The following AKAP6 variants were observed in gnomAD, a reference collection of about 807,000 sequenced individuals.
AKAP6 encodes A-kinase anchor protein 6.
In AKAP6, 58 loss-of-function variants were observed where a neutral mutation model predicts 188.5. The ratio of observed to expected loss-of-function variants is 0.31; its 90% confidence interval spans 0.25 to 0.38. The LOEUF (loss-of-function observed/expected upper bound fraction) is 0.38, where lower values mean the gene tolerates loss of function less well. Ranked by LOEUF, AKAP6 falls within the 10% of genes least tolerant of loss-of-function variation. AKAP6 has a pLI of 1.00. For missense variants in AKAP6, 2,710 were observed against 2,740.0 expected, an observed-to-expected ratio of 0.99 and a Z score of 0.24; for synonymous variants, 989 against 998.6, an observed-to-expected ratio of 0.99 and a Z score of 0.18.
At chr14:32,826,534 G>A (rs893514962) in intron 13 of AKAP6, among the ~76,000 whole-genome samples, 1 of 152,150 alleles carries the variant, frequency 6.6e-6, no homozygotes, top group African/African-American at 2.4e-5. Context: ...ATAAAGGCTT[G>A]AAAGCAACAC....
intron 4 of AKAP6, among the ~76,000 whole-genome samples, chr14:32,571,121 C>A (rs927643147): frequency 6.6e-6 from 1 of 152,228 alleles, no homozygotes; most frequent in South Asian, 2.1e-4. Context: ...CAGGTTCTGG[C>A]ACATAGTGAG....
chr14:32,409,036 C>G (rs1014640486), intron 1 of AKAP6, among the ~76,000 whole-genome samples: 1 of 152,042 alleles, frequency 6.6e-6, no homozygotes, highest in Non-Finnish European at 1.5e-5. Context: ...CCTGTCTCTA[C>G]TAAAAATACA....
chr14:32,484,455 C>T, intron 2 of AKAP6: 1 of 174,432 alleles, frequency 5.7e-6, no homozygotes, highest in Non-Finnish European at 8.3e-6. Flanking sequence ...TCCACTATGG[C>T]AGATGCAAGC....
intron 2 of AKAP6, among the ~76,000 whole-genome samples, chr14:32,475,104 CA>C (rs746344307): frequency 2.0e-4 from 30 of 152,162 alleles, no homozygotes; most frequent in Admixed American, 1.7e-3. Context: ...AATTTACTTT[CA>C]ATGGTTTATG....
rs193187648 is a variant in AKAP6 at position 32,557,146 on chromosome 14, G to A, written c.2346+10147G>A. On this transcript the variant is annotated intron_variant, in intron 4 of 13. Coordinates refer to ENST00000280979, the MANE Select transcript of AKAP6 (RefSeq NM_004274.5). ...GTCATCCAGGCTGGAATGTGGTGGC[G>A]TGATGATAGCTCACGTCAAGTCTCC... Among the ~76,000 whole-genome samples, 707 of 152,172 alleles carry A rather than the reference G, an allele frequency of 4.6e-3. 4 individuals carry two copies. The highest frequency in any genetic ancestry group is 0.016 in the African/African-American group (667 of 41,514).
chr14:32,591,465 T>C (rs1885481146), intron 5 of AKAP6, among the ~76,000 whole-genome samples: 1 of 127,926 alleles, frequency 7.8e-6, no homozygotes, highest in African/African-American at 2.8e-5. Flanking sequence ...TGCATCTACT[T>C]TGCACCAAAA....
chr14:32,454,645 C>T (rs1891060244), intron 2 of AKAP6, among the ~76,000 whole-genome samples: 3 of 100,392 alleles, frequency 3.0e-5, no homozygotes, highest in Admixed American at 8.9e-5. Context: ...CCCTCCCTCC[C>T]TCCTTCCCTC....
chr14:32,504,097 A>T (rs1231710437), intron 2 of AKAP6, among the ~76,000 whole-genome samples: 1 of 152,002 alleles, frequency 6.6e-6, no homozygotes, highest in Admixed American at 6.6e-5. Flanking sequence ...TTCTTAAAAA[A>T]TTATTCCATA....
chr14:32,349,028 G>T (rs1386647611), intron 1 of AKAP6, among the ~76,000 whole-genome samples: 4 of 152,130 alleles, frequency 2.6e-5, no homozygotes, highest in Admixed American at 2.6e-4. Flanking sequence ...CACCCTCTAG[G>T]ACCTTTGTTA....
chr14:32,738,806 A>G (rs893514515), intron 11 of AKAP6, among the ~76,000 whole-genome samples: 17 of 152,294 alleles, frequency 1.1e-4, no homozygotes, highest in Non-Finnish European at 2.2e-4. Context: ...AAGCCGGATA[A>G]TAGTATAATC....
In AKAP6 at chr14:32,718,382, GGGTAGGTACCCAAAA is replaced by G. The variant is rs986375985; in HGVS notation, c.3001-14070_3001-14056del. 41 of 962,212 alleles carry G rather than the reference GGGTAGGTACCCAAAA, an allele frequency of 4.3e-5. No individual in the cohort carries two copies. The African/African-American group carries it at 6.7e-4, about 16-fold the overall frequency. 59.6% of individuals were successfully genotyped at this position (962,212 alleles called of 1,614,324 possible). A position where few individuals can be genotyped will look rare whatever the true frequency, so the allele number is the denominator to read the frequency against. ...GTCAAAATATTTTTCTGACAAATAT[GGGTAGGTACCCAAAA>G]GAAACAAAAAGGCCCAAGGGGTCAG... On this transcript the variant is annotated intron_variant, in intron 9 of 13. Transcript: ENST00000280979.
intron 7 of AKAP6, among the ~76,000 whole-genome samples, chr14:32,610,299 T>A (rs1316463063): frequency 6.6e-6 from 1 of 152,202 alleles, no homozygotes; most frequent in African/African-American, 2.4e-5. Context: ...TTAAGATTTG[T>A]GTCAATGTTT....
rs1891101028 is a variant in AKAP6 at position 32,454,869 on chromosome 14, CTCCCTCCCTCCT to C, written c.324+21072_324+21083del. ...CCTCCCTCCTTCCCTCCCTCCCTCC[CTCCCTCCCTCCT>C]TCCCTCCCTCCTTCCCTCCTTCTCT... On this transcript the variant is annotated intron_variant, in intron 2 of 13. Transcript: ENST00000280979. Among the ~76,000 whole-genome samples the C allele has an allele frequency of 1.1e-4, 5 of 46,774 alleles. 1 individual carries two copies. The highest frequency in any genetic ancestry group is 5.4e-4 in the Admixed American group (3 of 5,576). The allele number at this position is 46,774 out of a possible 152,430, so 30.7% of individuals were successfully genotyped here.
chr14:32,696,526 G>T (rs1890410612), intron 9 of AKAP6, among the ~76,000 whole-genome samples: 1 of 152,156 alleles, frequency 6.6e-6, no homozygotes, highest in Non-Finnish European at 1.5e-5. Flanking sequence ...TTTGCCTTTG[G>T]TTTGGCTTGC....
chr14:32,483,268 T>C (rs1473449844), intron 2 of AKAP6, among the ~76,000 whole-genome samples: 1 of 152,160 alleles, frequency 6.6e-6, no homozygotes, highest in Non-Finnish European at 1.5e-5. Context: ...TAATCTTTAT[T>C]ATAATACTTT....
intron 8 of AKAP6, among the ~76,000 whole-genome samples, chr14:32,684,744 T>G (rs1050274901): frequency 3.0e-5 from 1 of 32,824 alleles, no homozygotes; most frequent in Non-Finnish European, 5.2e-5. Flanking sequence ...GTACTTCATG[T>G]TTTTTTTTTT....
intron 1 of AKAP6, among the ~76,000 whole-genome samples, chr14:32,366,720 G>A (rs1325576947): frequency 1.3e-5 from 2 of 152,080 alleles, no homozygotes; most frequent in African/African-American, 2.4e-5. Flanking sequence ...GTGTGTGTGT[G>A]TATTGGGGAG....
Position 32,340,337 on chromosome 14 carries a change from A to C in AKAP6, c.-35+10929A>C, listed in dbSNP as rs74043726. 7.9e-3 allele frequency among the ~76,000 whole-genome samples: 1,199 copies of C among 152,296 alleles called. 11 individuals are homozygous for C. The highest frequency in any genetic ancestry group is 0.025 in the African/African-American group (1,024 of 41,562). On this transcript the variant is annotated intron_variant, in intron 1 of 13. Transcript: ENST00000280979. ...TATATGGCATGGTCAGTTGCAATGT[A>C]CAAATACATTACTGTGTTCAAATAG... is the stretch of plus-strand genomic sequence containing the variant.
intron 11 of AKAP6, among the ~76,000 whole-genome samples, chr14:32,759,650 C>A (rs2032469558): frequency 6.6e-6 from 1 of 152,180 alleles, no homozygotes; most frequent in South Asian, 2.1e-4. Flanking sequence ...ATCTGCTCAG[C>A]TTCTAGGGAG....
Sources: gnomAD v4.1 joint callset for allele counts (sites outside exome capture counted in the v4.1 genomes callset) on GRCh38, gnomAD v4.1.1 for gene constraint, MANE v1.5 for transcripts, NCBI Gene and HGNC (gene_info 2026-07-23, HGNC 2026-07-21) for gene names.